DSCAM: variants seen among roughly 807,000 people sequenced by gnomAD.
DSCAM encodes DS cell adhesion molecule.
A neutral mutation model predicts 217.7 loss-of-function variants in DSCAM; 47 were observed. The observed-to-expected ratio is 0.22, with a 90% CI of 0.17 to 0.28. The LOEUF (loss-of-function observed/expected upper bound fraction) is 0.28, where lower values mean the gene tolerates loss of function less well. DSCAM is among the 10% of genes least tolerant of loss of function. DSCAM has a pLI of 1.00. For missense variants in DSCAM, 2,080 were observed against 2,618.3 expected, an observed-to-expected ratio of 0.79 and a Z score of 4.49; for synonymous variants, 1,056 against 1,015.3, an observed-to-expected ratio of 1.04 and a Z score of -0.76.
intron 32 of DSCAM, among the ~76,000 whole-genome samples, chr21:40,039,644 C>A (rs1342316280): frequency 1.3e-5 from 2 of 152,084 alleles, no homozygotes; most frequent in Non-Finnish European, 2.9e-5. Flanking sequence ...ATAATTCTTG[C>A]ATGATAACTA....
chr21:40,128,710 A>G (rs1467157183), intron 19 of DSCAM, among the ~76,000 whole-genome samples: 1 of 151,886 alleles, frequency 6.6e-6, no homozygotes, highest in Non-Finnish European at 1.5e-5. Flanking sequence ...AAAAAAAAAA[A>G]AAAAAAAAGA....
chr21:40,765,016 G>A (rs980097771), intron 1 of DSCAM, among the ~76,000 whole-genome samples: 8 of 151,762 alleles, frequency 5.3e-5, no homozygotes, highest in Non-Finnish European at 1.0e-4. Context: ...GCTTAAAACC[G>A]AGATGGGTTG....
chr21:40,597,469 T>C (rs1448321688), intron 3 of DSCAM, among the ~76,000 whole-genome samples: 1 of 151,624 alleles, frequency 6.6e-6, no homozygotes, highest in African/African-American at 2.4e-5. Context: ...TTTTTTTTTT[T>C]TTTTTAACCT....
intron 3 of DSCAM, among the ~76,000 whole-genome samples, chr21:40,658,234 C>T (rs1283215520): frequency 1.3e-5 from 2 of 152,122 alleles, no homozygotes; most frequent in East Asian, 3.9e-4. Context: ...CAAACACAGC[C>T]AAAGAAAACA....
intron 32 of DSCAM, among the ~76,000 whole-genome samples, chr21:40,017,677 G>A (rs918832500): frequency 2.0e-5 from 3 of 151,918 alleles, no homozygotes; most frequent in East Asian, 3.9e-4. Flanking sequence ...TCAGCCTCCT[G>A]AGTAGCTGGG....
chr21:40,136,878 A>G (rs1341365816), intron 18 of DSCAM, among the ~76,000 whole-genome samples: 1 of 152,102 alleles, frequency 6.6e-6, no homozygotes, highest in Admixed American at 6.5e-5. Context: ...ATCTTCTTAA[A>G]GAAAGCAAAC....
chr21:40,720,565 C>G (rs1346995765), intron 1 of DSCAM, among the ~76,000 whole-genome samples: 1 of 151,912 alleles, frequency 6.6e-6, no homozygotes, highest in East Asian at 1.9e-4. Context: ...CAACTGTCAT[C>G]ACTTAGAAAT....
At chr21:40,327,248 C>T (rs746192641) in intron 8 of DSCAM, among the ~76,000 whole-genome samples, 9 of 152,126 alleles carry the variant, frequency 5.9e-5, no homozygotes, top group South Asian at 2.1e-4. Context: ...TAGTAATTTG[C>T]TTGGCATTCT....
chr21:40,283,408 C>T (rs1380157507), intron 10 of DSCAM, among the ~76,000 whole-genome samples: 2 of 152,180 alleles, frequency 1.3e-5, no homozygotes, highest in African/African-American at 4.8e-5. Flanking sequence ...ATGTAAGGCA[C>T]ATACTGAATT....
At chr21:40,161,556 C>T (rs573212099) in intron 16 of DSCAM, among the ~76,000 whole-genome samples, 1 of 152,288 alleles carries the variant, frequency 6.6e-6, no homozygotes, top group South Asian at 2.1e-4. Context: ...GTCCTCAACC[C>T]TCACGGAACC....
At chr21:40,812,757 C>T (rs994028825) in intron 1 of DSCAM, among the ~76,000 whole-genome samples, 2 of 152,114 alleles carry the variant, frequency 1.3e-5, no homozygotes, top group Non-Finnish European at 2.9e-5. Flanking sequence ...TAGAGGAGAG[C>T]CTTGGTTTGA....
chr21:40,381,362 A>C (rs184075239), intron 3 of DSCAM, among the ~76,000 whole-genome samples: 3 of 152,340 alleles, frequency 2.0e-5, no homozygotes, highest in Admixed American at 2.0e-4. Flanking sequence ...CATGTTTAGA[A>C]GAGGTACATC....
At chr21:40,376,244 C>A (rs1185522492) in intron 3 of DSCAM, among the ~76,000 whole-genome samples, 2 of 152,044 alleles carry the variant, frequency 1.3e-5, no homozygotes, top group Non-Finnish European at 2.9e-5. Context: ...CACACTGTGT[C>A]ATGAAACTCA....
chr21:40,255,683 C>T (rs1385995194), intron 11 of DSCAM, among the ~76,000 whole-genome samples: 2 of 152,170 alleles, frequency 1.3e-5, no homozygotes, highest in Non-Finnish European at 2.9e-5. Context: ...GAAGGAGAGT[C>T]AGAGATCTGA....
chr21:40,319,440 T>C (rs2074235803), intron 8 of DSCAM, among the ~76,000 whole-genome samples: 1 of 151,646 alleles, frequency 6.6e-6, no homozygotes, highest in Non-Finnish European at 1.5e-5. Flanking sequence ...TGTGTGCATG[T>C]GTGTGTGTGT....
At chr21:40,279,172 T>A (rs117988684) in intron 10 of DSCAM, among the ~76,000 whole-genome samples, 2,119 of 152,340 alleles carry the variant, frequency 0.014, 18 homozygotes, top group Middle Eastern at 0.058. Context: ...CTCTTCAATA[T>A]GTTTTCCTCA....
intron 3 of DSCAM, among the ~76,000 whole-genome samples, chr21:40,680,104 A>C (rs1283173909): frequency 3.3e-5 from 5 of 152,180 alleles, no homozygotes; most frequent in Non-Finnish European, 7.3e-5. Flanking sequence ...TCTTATAACA[A>C]TCTTACTATA....
chr21:40,287,602 T>A (rs950367063), intron 10 of DSCAM, among the ~76,000 whole-genome samples: 5 of 152,180 alleles, frequency 3.3e-5, no homozygotes, highest in African/African-American at 9.6e-5. Context: ...AACGTTTAGT[T>A]AACTGTCTGG....
chr21:40,158,628 C>A (rs2090505863), intron 16 of DSCAM, among the ~76,000 whole-genome samples: 1 of 152,166 alleles, frequency 6.6e-6, no homozygotes, highest in South Asian at 2.1e-4. Flanking sequence ...GAATCACACT[C>A]TCCTTCAGTG....
Sources: gnomAD v4.1 joint callset for allele counts (sites outside exome capture counted in the v4.1 genomes callset) on GRCh38, gnomAD v4.1.1 for gene constraint, MANE v1.5 for transcripts, NCBI Gene and HGNC (gene_info 2026-07-23, HGNC 2026-07-21) for gene names.